Variants in TTLL1 observed in about 807,000 individuals in gnomAD.
TTLL1 encodes TTL family tubulin polyglutamylase complex subunit L1, also known as polyglutamylase complex subunit TTLL1.
A neutral mutation model predicts 47.8 loss-of-function variants in TTLL1; 33 were observed. That is an observed-to-expected ratio of 0.69 (90% CI 0.52 to 0.92). TTLL1 has a LOEUF of 0.92. Ranked by LOEUF, TTLL1 falls within the 40% of genes least tolerant of loss-of-function variation. The pLI, the probability that TTLL1 is intolerant of heterozygous loss-of-function variation, is 0.00. For missense variants in TTLL1, 488 were observed against 547.5 expected (o/e 0.89, Z 1.08); for synonymous variants, 225 against 214.1 (o/e 1.05, Z -0.45).
At chr22:43,072,307 C>T in intron 3 of TTLL1, among the ~76,000 whole-genome samples, 1 of 151,992 alleles carries the variant, frequency 6.6e-6, no homozygotes, top group Admixed American at 6.6e-5. Context: ...GCACTCGCCA[C>T]CACGCCCGGA....
rs1270737610 is a variant in TTLL1 at position 43,056,998 on chromosome 22, G to A, written c.891+2386C>T. Among the ~76,000 whole-genome samples, 3 of 152,194 alleles carry A rather than the reference G, an allele frequency of 2.0e-5. 1 individual carries two copies. The highest frequency in any genetic ancestry group is 1.9e-4 in the East Asian group (1 of 5,168). Reference sequence around the variant, plus strand: ...TTTAGAAGCAAGGTCTTGGCCAGGCGCGGTGGCTCACATCTGTAATCCCAG... The same window carrying A: ...TTTAGAAGCAAGGTCTTGGCCAGGCACGGTGGCTCACATCTGTAATCCCAG... On this transcript the variant is annotated intron_variant, in intron 8 of 10. Transcript: ENST00000266254.
intron 10 of TTLL1, among the ~76,000 whole-genome samples, chr22:43,040,506 C>T (rs192845567): frequency 2.0e-5 from 3 of 152,164 alleles, no homozygotes; most frequent in Admixed American, 6.5e-5. Flanking sequence ...TATACAGTGG[C>T]GCAATCTTGG....
intron 10 of TTLL1, among the ~76,000 whole-genome samples, chr22:43,040,744 C>T (rs565055812): frequency 9.1e-4 from 139 of 152,252 alleles, no homozygotes; most frequent in African/African-American, 3.0e-3. Flanking sequence ...CGTGCCTGGC[C>T]CCCATTTTCT....
rs1928963366 is a variant in TTLL1 at position 43,082,503 on chromosome 22, G to GTC, written c.-89-2519_-89-2518dup. Reference sequence around the variant, plus strand: ...GGCTGAGGTGGGTGGATCACCTAAGGTCTGGAGTTCGAGACCAGCCTGACC... The same window carrying GTC: ...GGCTGAGGTGGGTGGATCACCTAAGGTCTCTGGAGTTCGAGACCAGCCTGACC... On this transcript the variant is annotated intron_variant, in intron 1 of 10. Transcript: ENST00000266254. 1.3e-5 allele frequency among the ~76,000 whole-genome samples: 2 copies of GTC among 152,060 alleles called. 1 individual carries two copies. The highest frequency in any genetic ancestry group is 4.1e-4 in the South Asian group (2 of 4,826).
chr22:43,048,579 C>T (rs528258331), intron 9 of TTLL1, among the ~76,000 whole-genome samples: 2 of 150,836 alleles, frequency 1.3e-5, no homozygotes, highest in Non-Finnish European at 3.0e-5. Flanking sequence ...GTTCAAGTTG[C>T]GGCGAGCAAT....
chr22:43,053,715 T>C (rs1370643320), intron 8 of TTLL1, among the ~76,000 whole-genome samples: 1 of 152,186 alleles, frequency 6.6e-6, no homozygotes, highest in African/African-American at 2.4e-5. Context: ...GCTAAGTGAA[T>C]AAAAACTGAA....
Position 43,039,858 on chromosome 22 carries a change from C to T in TTLL1, c.1190G>A (p.Arg397Lys), listed in dbSNP as rs749092251. The T allele has an allele frequency of 3.7e-6, 6 of 1,613,872 alleles. No homozygotes were observed. Among genetic ancestry groups the T allele is most frequent in the East Asian group, 4.5e-5 (2 of 44,886 alleles). Reference sequence around the variant, plus strand: ...CCCCAGAGACTGACCCTGACGGCTTCTCAGCTCCCGGTCAGCCCCGTCACC... The same window carrying T: ...CCCCAGAGACTGACCCTGACGGCTTTTCAGCTCCCGGTCAGCCCCGTCACC... ...AQGDGADREL[R>K]SRQGQSLGPR... The change falls in exon 11 of 11, where the codon AGA (arginine) becomes AAA (lysine). Residue 397 changes from arginine (R) to lysine (K), a missense_variant. Arg to Lys is a conservative substitution (Grantham distance 26). Transcript: ENST00000266254.
chr22:43,068,331 A>G, intron 5 of TTLL1, 79 bp downstream of exon 5: 2 of 1,301,690 alleles, frequency 1.5e-6, no homozygotes, highest in Non-Finnish European at 2.0e-6. Flanking sequence ...AAACCAAACA[A>G]AAACCCACAA....
intron 7 of TTLL1, among the ~76,000 whole-genome samples, chr22:43,061,846 A>G (rs1281582441): frequency 6.6e-6 from 1 of 152,152 alleles, no homozygotes; most frequent in Non-Finnish European, 1.5e-5. Flanking sequence ...TCTCTGGATT[A>G]TCCCTACTCA....
intron 1 of TTLL1, among the ~76,000 whole-genome samples, chr22:43,086,330 A>C (rs1929227404): frequency 6.6e-6 from 1 of 152,172 alleles, no homozygotes; most frequent in Non-Finnish European, 1.5e-5. Flanking sequence ...TCACCACCTG[A>C]AGTGTGTCAA....
chr22:43,070,899 A>G (rs1928075576), intron 3 of TTLL1, among the ~76,000 whole-genome samples: 1 of 152,044 alleles, frequency 6.6e-6, no homozygotes, highest in African/African-American at 2.4e-5. Flanking sequence ...TAAAAAAGCA[A>G]TATGTATGTA....
rs10529079 is a variant in TTLL1 at position 43,080,902 on chromosome 22, CTTTTTTTTTTTTTTTTTTT to C, written c.-89-935_-89-917del. Among the ~76,000 whole-genome samples, 5 of 69,284 alleles carry C rather than the reference CTTTTTTTTTTTTTTTTTTT, an allele frequency of 7.2e-5. 1 individual carries two copies. The highest frequency in any genetic ancestry group is 1.5e-3 in the East Asian group (2 of 1,318). 45.5% of individuals were successfully genotyped at this position (69,284 alleles called of 152,430 possible). On this transcript the variant is annotated intron_variant, in intron 1 of 10. Coordinates refer to ENST00000266254, the MANE Select transcript of TTLL1 (RefSeq NM_012263.5). ...GTCACCTGTTCCCAGTGTTGCATGA[CTTTTTTTTTTTTTTTTTTT>C]TTTTTTTTTTTTTTAGACAAAGTCT... is the stretch of plus-strand genomic sequence containing the variant.
intron 8 of TTLL1, among the ~76,000 whole-genome samples, chr22:43,056,184 A>G (rs1926988368): frequency 6.6e-6 from 1 of 151,630 alleles, no homozygotes; most frequent in South Asian, 2.1e-4. Context: ...ACATGGTGAA[A>G]CCTGTCTCTA....
chr22:43,049,004 G>A (rs141431894), intron 9 of TTLL1, among the ~76,000 whole-genome samples: 52 of 152,112 alleles, frequency 3.4e-4, no homozygotes, highest in Non-Finnish European at 6.5e-4. Flanking sequence ...AGAAGAAGGC[G>A]AGAGTTTAAA....
chr22:43,087,213 G>C (rs1929278859), intron 1 of TTLL1, among the ~76,000 whole-genome samples: 1 of 152,144 alleles, frequency 6.6e-6, no homozygotes. Flanking sequence ...CAATCATTTA[G>C]TCCAGTGCTA....
Position 43,078,561 on chromosome 22 carries a change from C to A in TTLL1, c.-5+1341G>T, listed in dbSNP as rs553441738. Among the ~76,000 whole-genome samples, 142 of 152,120 alleles carry A rather than the reference C, an allele frequency of 9.3e-4. 1 individual carries two copies. The highest frequency in any genetic ancestry group is 1.6e-3 in the Non-Finnish European group (109 of 67,978). ...GAAAAGGAAACAGACTCAAGGGAGT[C>A]CGGGTGCCCTGATTCAAAGCCGGGA... On this transcript the variant is annotated intron_variant, in intron 2 of 10. Coordinates refer to ENST00000266254, the MANE Select transcript of TTLL1 (RefSeq NM_012263.5).
At chr22:43,070,176 T>G (rs140173234) in intron 3 of TTLL1, 1 of 1,369,152 alleles carries the variant, frequency 7.3e-7, no homozygotes, top group African/African-American at 1.5e-5. Flanking sequence ...TATACCCTTT[T>G]CAGACTCTGA....
chr22:43,051,475 C>A (rs1926615386), intron 9 of TTLL1, among the ~76,000 whole-genome samples: 1 of 152,122 alleles, frequency 6.6e-6, no homozygotes, highest in African/African-American at 2.4e-5. Context: ...CACTGTCACC[C>A]ATGAGGACAG....
intron 8 of TTLL1, among the ~76,000 whole-genome samples, chr22:43,056,684 C>T (rs1569423156): frequency 6.6e-6 from 1 of 151,954 alleles, no homozygotes; most frequent in East Asian, 2.0e-4. Flanking sequence ...ACTTGGGAGG[C>T]TGAAGCAAGA....
Sources: allele counts gnomAD v4.1 joint callset (sites outside exome capture counted in the v4.1 genomes callset), GRCh38; gene constraint gnomAD v4.1.1; transcripts MANE v1.5; gene names NCBI Gene and HGNC (gene_info 2026-07-23, HGNC 2026-07-21).